ANKS1A: variants seen among roughly 807,000 people sequenced by gnomAD.
ANKS1A encodes the protein ankyrin repeat and sterile alpha motif domain containing 1A.
ANKS1A carries 55 observed loss-of-function variants against 120.3 expected under a neutral mutation model. The ratio of observed to expected loss-of-function variants is 0.46; its 90% CI spans 0.37 to 0.57. The LOEUF (loss-of-function observed/expected upper bound fraction) is 0.57, where lower values mean the gene tolerates loss of function less well. ANKS1A is among the 20% of genes least tolerant of loss of function. The pLI, the probability that ANKS1A is intolerant of heterozygous loss-of-function variation, is 0.00. For synonymous variants in ANKS1A, 590 were observed against 604.7 expected, an observed-to-expected ratio of 0.98 and a Z score of 0.36; for missense variants, 1,123 against 1,480.3, an observed-to-expected ratio of 0.76 and a Z score of 3.96.
chr6:34,954,732 T>G (rs1209981569), intron 1 of ANKS1A, among the ~76,000 whole-genome samples: 1 of 152,220 alleles, frequency 6.6e-6, no homozygotes, highest in African/African-American at 2.4e-5. Context: ...ACCTGTCACG[T>G]AGCGTCAGCA....
chr6:34,953,750 T>C (rs1323420427), intron 1 of ANKS1A, among the ~76,000 whole-genome samples: 1 of 152,170 alleles, frequency 6.6e-6, no homozygotes, highest in Admixed American at 6.5e-5. Context: ...ACTGTGTGCT[T>C]GCTACTTGGG....
At chr6:35,093,791 A>G (rs1778378975), downstream of ANKS1A, among the ~76,000 whole-genome samples, 1 of 152,192 alleles carries the variant, frequency 6.6e-6, no homozygotes, top group African/African-American at 2.4e-5. Context: ...AATTTAGACA[A>G]TAAATAACTG....
chr6:34,909,146 A>G (rs1434552709), intron 1 of ANKS1A, among the ~76,000 whole-genome samples: 1 of 152,148 alleles, frequency 6.6e-6, no homozygotes, highest in African/African-American at 2.4e-5. Flanking sequence ...GCCTGGGGAC[A>G]TGTTTCTTTT....
At chr6:34,913,388 A>G (rs1429531190) in intron 1 of ANKS1A, among the ~76,000 whole-genome samples, 1 of 152,174 alleles carries the variant, frequency 6.6e-6, no homozygotes, top group East Asian at 1.9e-4. Context: ...GTACAGTGGC[A>G]TGATCATAGC....
At position 35,089,490 on chromosome 6, in the gene ANKS1A, G is replaced by A. The variant is rs1778182668; in HGVS notation, c.*881G>A. The A allele has an allele frequency of 1.0e-6, 1 of 986,644 alleles. No individual in the cohort carries two copies. The highest frequency in any genetic ancestry group is 1.2e-6 in the Non-Finnish European group (1 of 830,570). 61.1% of individuals were successfully genotyped at this position (986,644 alleles called of 1,614,324 possible). On this transcript the variant is annotated 3_prime_UTR_variant, in exon 24 of 24. Coordinates refer to ENST00000360359, the MANE Select transcript of ANKS1A (RefSeq NM_015245.3). Reference sequence around the variant, plus strand: ...TTTGTTTGGGGCATTAATGCTTGGAGTGGGGTCAGCTAAGGTTGCTACTTG... The same window carrying A: ...TTTGTTTGGGGCATTAATGCTTGGAATGGGGTCAGCTAAGGTTGCTACTTG...
At chr6:34,947,720 G>C (rs1171645345) in intron 1 of ANKS1A, among the ~76,000 whole-genome samples, 22 of 152,194 alleles carry the variant, frequency 1.4e-4, no homozygotes, top group African/African-American at 4.1e-4. Flanking sequence ...TATGCCCTCA[G>C]GGTCAAGTCT....
At chr6:34,973,177 C>A (rs1771272450) in intron 3 of ANKS1A, among the ~76,000 whole-genome samples, 1 of 150,010 alleles carries the variant, frequency 6.7e-6, no homozygotes, top group Non-Finnish European at 1.5e-5. Context: ...TGTTGCATGA[C>A]TCTTCTCTCA....
chr6:34,979,644 C>A (rs115501261), intron 3 of ANKS1A, among the ~76,000 whole-genome samples: 2,011 of 151,742 alleles, frequency 0.013, 18 homozygotes, highest in African/African-American at 0.02. Context: ...GTTCTTTAGC[C>A]CTAATGGCAT....
At chr6:34,911,885 A>G (rs371965173) in intron 1 of ANKS1A, among the ~76,000 whole-genome samples, 3 of 152,298 alleles carry the variant, frequency 2.0e-5, no homozygotes, top group East Asian at 3.9e-4. Context: ...AAACTACAGG[A>G]TAGGTTTCTT....
chr6:34,981,615 T>G, intron 3 of ANKS1A, 75 bp from the exon 4 acceptor site: 1 of 1,504,938 alleles, frequency 6.6e-7, no homozygotes, highest in Non-Finnish European at 9.1e-7. Flanking sequence ...TTCAGTGGTT[T>G]TACGAGTGGT....
chr6:35,010,181 A>G (rs1030336342), intron 10 of ANKS1A, among the ~76,000 whole-genome samples: 3 of 151,942 alleles, frequency 2.0e-5, no homozygotes, highest in Non-Finnish European at 2.9e-5. Context: ...TAATAATAAT[A>G]ATTTTTTTTT....
intron 1 of ANKS1A, among the ~76,000 whole-genome samples, chr6:34,893,887 A>G (rs1423832213): frequency 1.3e-5 from 2 of 152,246 alleles, no homozygotes; most frequent in African/African-American, 4.8e-5. Context: ...CCATCAAATA[A>G]AGATTAAATT....
intron 1 of ANKS1A, among the ~76,000 whole-genome samples, chr6:34,927,635 T>A (rs752468866): frequency 6.6e-6 from 1 of 152,168 alleles, no homozygotes; most frequent in Non-Finnish European, 1.5e-5. Flanking sequence ...TCATTGGAGC[T>A]GGACTAAGTG....
At chr6:34,897,485 G>T (rs990222414) in intron 1 of ANKS1A, among the ~76,000 whole-genome samples, 1 of 152,216 alleles carries the variant, frequency 6.6e-6, no homozygotes, top group Admixed American at 6.5e-5. Context: ...AACCCCAGAA[G>T]TAGACAGTGG....
chr6:34,963,743 G>A (rs1422117088), intron 1 of ANKS1A, among the ~76,000 whole-genome samples: 3 of 152,148 alleles, frequency 2.0e-5, no homozygotes, highest in Admixed American at 6.5e-5. Flanking sequence ...CCAACAGTGT[G>A]CAAGGTGCTC....
intron 1 of ANKS1A, among the ~76,000 whole-genome samples, chr6:34,943,442 C>T (rs1034829849): frequency 1.3e-5 from 2 of 152,104 alleles, no homozygotes; most frequent in African/African-American, 4.8e-5. Context: ...TATTAACTAA[C>T]GTTCATTAGG....
At chr6:34,928,659 G>A (rs1238017877) in intron 1 of ANKS1A, among the ~76,000 whole-genome samples, 3 of 152,030 alleles carry the variant, frequency 2.0e-5, no homozygotes, top group Admixed American at 6.6e-5. Context: ...TTTTGCAGAT[G>A]AGGAAATTGA....
intron 12 of ANKS1A, among the ~76,000 whole-genome samples, chr6:35,054,925 A>T (rs1369835039): frequency 6.6e-6 from 1 of 152,230 alleles, no homozygotes; most frequent in African/African-American, 2.4e-5. Context: ...CCAGGCTGAA[A>T]GCAGCCCAGC....
At chr6:34,947,367 G>A (rs758376804) in intron 1 of ANKS1A, among the ~76,000 whole-genome samples, 2 of 151,934 alleles carry the variant, frequency 1.3e-5, no homozygotes, top group Non-Finnish European at 2.9e-5. Flanking sequence ...GGCTGGTCTC[G>A]AACTCCTGAC....
Sources: allele counts gnomAD v4.1 joint callset (sites outside exome capture counted in the v4.1 genomes callset), GRCh38; gene constraint gnomAD v4.1.1; transcripts MANE v1.5; gene names NCBI Gene and HGNC (gene_info 2026-07-23, HGNC 2026-07-21).